BARD1: variants seen among roughly 807,000 people sequenced by gnomAD.
BARD1 encodes the protein BRCA1 associated RING domain 1.
BARD1 carries 73 observed loss-of-function variants against 77.0 expected under a neutral mutation model. The ratio of observed to expected loss-of-function variants is 0.95; its 90% CI spans 0.79 to 1.15. BARD1 has a LOEUF of 1.15. BARD1 is among the 50% of genes most tolerant of loss of function. The pLI, the probability that BARD1 is intolerant of heterozygous loss-of-function variation, is 0.00. For missense variants in BARD1, 993 were observed against 938.8 expected, an observed-to-expected ratio of 1.06 and a Z score of -0.75; for synonymous variants, 384 against 338.0, an observed-to-expected ratio of 1.14 and a Z score of -1.49.
chr2:214,794,817 G>C (rs1574843775), intron 2 of BARD1, among the ~76,000 whole-genome samples: 1 of 152,142 alleles, frequency 6.6e-6, no homozygotes, highest in South Asian at 2.1e-4. Flanking sequence ...AATAAAAACA[G>C]CTACCATAAT....
At chr2:214,792,149 TTA>T in intron 3 of BARD1, 146 bp downstream of exon 3, 7 of 760,068 alleles carry the variant, frequency 9.2e-6, no homozygotes, top group South Asian at 4.2e-5. Flanking sequence ...CAATGGCTAT[TTA>T]AAAAAAAAAA....
intron 9 of BARD1, among the ~76,000 whole-genome samples, chr2:214,737,946 A>G (rs955098026): frequency 6.6e-5 from 10 of 151,124 alleles, no homozygotes; most frequent in Non-Finnish European, 1.5e-4. Context: ...TTCCTTTTGA[A>G]GAAAAAAAAA....
intron 5 of BARD1, among the ~76,000 whole-genome samples, chr2:214,769,000 C>A (rs918348625): frequency 6.6e-6 from 1 of 152,124 alleles, no homozygotes; most frequent in Non-Finnish European, 1.5e-5. Context: ...CAGTACAGTA[C>A]AAATGGATTC....
At chr2:214,742,707 A>AGGCATATT (rs1000035643) in intron 9 of BARD1, among the ~76,000 whole-genome samples, 32 of 152,230 alleles carry the variant, frequency 2.1e-4, no homozygotes, top group African/African-American at 7.7e-4. Flanking sequence ...TTCCCAAAGA[A>AGGCATATT]GGCATATTTT....
chr2:214,728,997 C>A lies in BARD1; in HGVS notation c.2013G>T (p.Leu671=), dbSNP rs759021562. Residue 671 remains leucine (L), a synonymous_variant, in exon 11 of 11, where the codon CTG becomes CTT. Coordinates refer to ENST00000260947, the MANE Select transcript of BARD1 (RefSeq NM_000465.4). ...RLNREQLLPK[L]FDGCYFYLWG... ...ACAAATAGAAGTAGCATCCATCAAA[C>A]AGCTTTGGCAACTGAAATAATGAGA... 6.2e-7 allele frequency: 1 copy of A among 1,614,120 alleles called. No homozygotes were observed.
At chr2:214,782,918 T>G (rs1259636263) in intron 3 of BARD1, among the ~76,000 whole-genome samples, 1 of 152,162 alleles carries the variant, frequency 6.6e-6, no homozygotes, top group Non-Finnish European at 1.5e-5. Flanking sequence ...CTGACAAGTG[T>G]TACAGTAATA....
intron 6 of BARD1, among the ~76,000 whole-genome samples, chr2:214,754,612 G>T (rs1173113099): frequency 6.6e-6 from 1 of 152,160 alleles, no homozygotes; most frequent in Non-Finnish European, 1.5e-5. Flanking sequence ...GTAAAACATG[G>T]TCTAAGCCAG....
At chr2:214,808,312 A>G (rs1475942511) in intron 1 of BARD1, among the ~76,000 whole-genome samples, 2 of 152,190 alleles carry the variant, frequency 1.3e-5, no homozygotes, top group African/African-American at 2.4e-5. Context: ...GGGAGGCTGA[A>G]GCAGGAGAAT....
intron 3 of BARD1, among the ~76,000 whole-genome samples, chr2:214,790,596 T>C (rs1340463900): frequency 6.6e-6 from 1 of 152,198 alleles, no homozygotes; most frequent in African/African-American, 2.4e-5. Context: ...TAAATATCTG[T>C]TGTTTAAGCC....
At chr2:214,805,569 C>A (rs938135415) in intron 1 of BARD1, among the ~76,000 whole-genome samples, 1 of 152,124 alleles carries the variant, frequency 6.6e-6, no homozygotes, top group Admixed American at 6.5e-5. Context: ...CAGCTCAAGG[C>A]ATCTTATGAA....
At chr2:214,804,323 T>G (rs574975818) in intron 1 of BARD1, among the ~76,000 whole-genome samples, 52 of 152,366 alleles carry the variant, frequency 3.4e-4, no homozygotes, top group Middle Eastern at 3.4e-3. Context: ...AATGTGATCC[T>G]ACCTTAACCT....
At chr2:214,785,018 A>G (rs981802168) in intron 3 of BARD1, among the ~76,000 whole-genome samples, 1 of 28,970 alleles carries the variant, frequency 3.5e-5, no homozygotes, top group East Asian at 4.1e-3. Context: ...CAGAAATTAT[A>G]GTTAAAAAAA....
chr2:214,756,822 C>T (rs1440415080), intron 6 of BARD1, among the ~76,000 whole-genome samples: 1 of 151,944 alleles, frequency 6.6e-6, no homozygotes, highest in Non-Finnish European at 1.5e-5. Context: ...TTCACGGACT[C>T]AAGGGGAAAA....
At chr2:214,731,090 C>T (rs557079292) in intron 9 of BARD1, 11 of 271,666 alleles carry the variant, frequency 4.0e-5, no homozygotes, top group South Asian at 1.9e-4. Context: ...GTGACAGGTA[C>T]ACAACTGAGG....
intron 7 of BARD1, 140 bp downstream of exon 7, chr2:214,752,307 A>C: frequency 4.4e-6 from 3 of 683,982 alleles, no homozygotes; most frequent in South Asian, 3.4e-5. Context: ...TTGAATCCAC[A>C]GTAGCTAATA....
At chr2:214,748,660 C>T (rs1237551497) in intron 7 of BARD1, among the ~76,000 whole-genome samples, 1 of 151,894 alleles carries the variant, frequency 6.6e-6, no homozygotes, top group East Asian at 1.9e-4. Context: ...TTTCCAACAG[C>T]CACTAAATTT....
At chr2:214,807,915 G>A (rs759911087) in intron 1 of BARD1, among the ~76,000 whole-genome samples, 1 of 152,220 alleles carries the variant, frequency 6.6e-6, no homozygotes, top group Non-Finnish European at 1.5e-5. Context: ...GCAACTAGCA[G>A]TGCCAGTTTT....
rs1692170063 is a variant in BARD1, at chr2:214,728,295, A to C, written c.*381T>G. On this transcript the variant is annotated 3_prime_UTR_variant, in exon 11 of 11. Coordinates refer to ENST00000260947, the MANE Select transcript of BARD1 (RefSeq NM_000465.4). ...ATTCTGTTTACTAAAAAAAAAAAAA[A>C]AAAAAAGGCAAGTTTTTTCACTGGT... is the stretch of plus-strand genomic sequence containing the variant. 4.1e-6 allele frequency: 1 copy of C among 244,982 alleles called. No individual in the cohort carries two copies. The highest frequency in any genetic ancestry group is 7.9e-6 in the Non-Finnish European group (1 of 126,324). The allele number at this position is 244,982 out of a possible 1,614,324, so 15.2% of individuals were successfully genotyped here.
In BARD1 at chr2:214,744,969, G is replaced by A. The variant is rs6435856; in HGVS notation, c.1903+98C>T. ...AAATGCAGTGACTAACCAGAGGTAAGAAAATTAACATCAAGTTCCTTAATC... is the reference window on the plus strand; with the variant it reads ...AAATGCAGTGACTAACCAGAGGTAAAAAAATTAACATCAAGTTCCTTAATC... On this transcript the variant is annotated intron_variant, in intron 9 of 10. Transcript: ENST00000260947. 78,448 of 1,117,478 alleles carry A rather than the reference G, an allele frequency of 0.07. 3,577 individuals are homozygous for A. The highest frequency in any genetic ancestry group is 0.083 in the Non-Finnish European group (62,097 of 749,814). 69.2% of individuals were successfully genotyped at this position (1,117,478 alleles called of 1,614,324 possible).
Sources: allele counts gnomAD v4.1 joint callset (sites outside exome capture counted in the v4.1 genomes callset), GRCh38; gene constraint gnomAD v4.1.1; transcripts MANE v1.5; gene names NCBI Gene and HGNC (gene_info 2026-07-23, HGNC 2026-07-21).